GPHN: variants seen among roughly 807,000 people sequenced by gnomAD.
The protein encoded by GPHN is gephyrin.
Under a neutral mutation model 95.5 loss-of-function variants are expected in GPHN, and 17 were observed. The observed-to-expected ratio is 0.18, with a 90% CI of 0.12 to 0.27. The LOEUF is 0.27. Among genes scored for constraint, GPHN ranks in the 10% least tolerant of loss-of-function variants. The pLI is 1.00. For missense variants in GPHN, 660 were observed against 978.1 expected (o/e 0.67, Z 4.34); for synonymous variants, 320 against 322.5 (o/e 0.99, Z 0.08).
chr14:67,520,697 A>T, the GPHN span, among the ~76,000 whole-genome samples: 1 of 152,216 alleles, frequency 6.6e-6, no homozygotes, highest in Non-Finnish European at 1.5e-5. Context: ...GGCGTACCAC[A>T]GTTTATTTAC....
intron 9 of GPHN, among the ~76,000 whole-genome samples, chr14:67,022,568 GGTGT>G (rs72312422): frequency 0.023 from 475 of 20,874 alleles, 7 homozygotes; most frequent in East Asian, 0.064. Context: ...TTTTTTTTTT[GGTGT>G]GTGTGTGTGT....
chr14:67,205,290 A>G, the GPHN span, among the ~76,000 whole-genome samples: 7 of 152,316 alleles, frequency 4.6e-5, no homozygotes, highest in African/African-American at 1.7e-4. Flanking sequence ...ATAGGCAGTG[A>G]CAACCCTTAA....
chr14:67,257,737 T>G, the GPHN span, among the ~76,000 whole-genome samples: 1 of 152,148 alleles, frequency 6.6e-6, no homozygotes, highest in African/African-American at 2.4e-5. Context: ...AAGAAGAAAC[T>G]GAGAGTTAAA....
chr14:67,662,923 A>G, the GPHN span: 3 of 1,246,522 alleles, frequency 2.4e-6, no homozygotes, highest in Non-Finnish European at 3.0e-6. Context: ...AAAAAAAAAG[A>G]ATGTTTACCA....
At chr14:66,809,775 C>T (rs556493294) in intron 3 of GPHN, among the ~76,000 whole-genome samples, 1 of 152,202 alleles carries the variant, frequency 6.6e-6, no homozygotes, top group African/African-American at 2.4e-5. Context: ...CTGTGTTATT[C>T]TCAGAATAAG....
intron 1 of GPHN, among the ~76,000 whole-genome samples, chr14:66,625,538 A>G (rs1192619571): frequency 6.6e-6 from 1 of 151,560 alleles, no homozygotes; most frequent in Non-Finnish European, 1.5e-5. Context: ...CTTTTGTCCT[A>G]CTTCTTGGTA....
At chr14:67,624,986 G>A in the GPHN span, among the ~76,000 whole-genome samples, 1 of 152,150 alleles carries the variant, frequency 6.6e-6, no homozygotes, top group Non-Finnish European at 1.5e-5. Context: ...CTGCAAAAGG[G>A]AGAACAGAGG....
chr14:67,296,585 CAAAAAAA>C, the GPHN span, among the ~76,000 whole-genome samples: 4 of 51,022 alleles, frequency 7.8e-5, no homozygotes, highest in Non-Finnish European at 2.6e-4. Context: ...AACTCTGTCT[CAAAAAAA>C]AAAAAAAAAA....
intron 3 of GPHN, among the ~76,000 whole-genome samples, chr14:66,782,813 A>G (rs1401383045): frequency 6.6e-6 from 1 of 152,152 alleles, no homozygotes; most frequent in Admixed American, 6.5e-5. Flanking sequence ...ACCCTGGATG[A>G]CAGAGCGAGA....
chr14:66,590,419 A>C (rs1330024193), intron 1 of GPHN, among the ~76,000 whole-genome samples: 1 of 152,194 alleles, frequency 6.6e-6, no homozygotes, highest in East Asian at 1.9e-4. Context: ...CAGACTAATA[A>C]AGAAGAAAAG....
the GPHN span, among the ~76,000 whole-genome samples, chr14:67,516,994 A>G: frequency 2.0e-5 from 3 of 152,264 alleles, no homozygotes; most frequent in African/African-American, 7.2e-5. Flanking sequence ...TCATGCATAT[A>G]ATATTCTCAG....
At chr14:67,436,117 A>G in the GPHN span, among the ~76,000 whole-genome samples, 4 of 152,204 alleles carry the variant, frequency 2.6e-5, no homozygotes, top group Non-Finnish European at 4.4e-5. Flanking sequence ...TCTTTACTGG[A>G]AACTACTGAT....
the GPHN span, among the ~76,000 whole-genome samples, chr14:67,329,820 C>A: frequency 1.7e-4 from 26 of 150,756 alleles, no homozygotes; most frequent in Admixed American, 1.7e-3. Context: ...GGCAACACAG[C>A]AAGACTTGGT....
chr14:66,996,265 C>A, intron 9 of GPHN: 1 of 1,168,874 alleles, frequency 8.6e-7, no homozygotes, highest in Non-Finnish European at 1.2e-6. Context: ...CATGCTCGCC[C>A]TCACCATTTT....
At chr14:67,505,997 G>A in the GPHN span, among the ~76,000 whole-genome samples, 37 of 152,226 alleles carry the variant, frequency 2.4e-4, no homozygotes, top group African/African-American at 8.7e-4. Context: ...ACCTCACCTG[G>A]CTGATAATTT....
intron 8 of GPHN, among the ~76,000 whole-genome samples, chr14:66,958,115 C>T (rs1430489668): frequency 2.0e-5 from 3 of 152,134 alleles, no homozygotes; most frequent in African/African-American, 7.2e-5. Context: ...ATATTGCAGT[C>T]TCCAACTCTT....
intron 9 of GPHN, among the ~76,000 whole-genome samples, chr14:67,000,292 G>GA (rs2072126290): frequency 6.6e-6 from 1 of 151,104 alleles, no homozygotes; most frequent in Non-Finnish European, 1.5e-5. Flanking sequence ...AGGGAGAGAG[G>GA]AAAAAAGGAA....
At chr14:66,654,314 C>G (rs12587269) in intron 1 of GPHN, among the ~76,000 whole-genome samples, 1 of 151,934 alleles carries the variant, frequency 6.6e-6, no homozygotes, top group East Asian at 1.9e-4. Flanking sequence ...TCTATGGTCT[C>G]GAACCCCTGG....
chr14:67,727,180 G>T, the GPHN span: 1 of 1,612,674 alleles, frequency 6.2e-7, no homozygotes, highest in Non-Finnish European at 8.5e-7. Flanking sequence ...AGCTGGCCAA[G>T]AGGCTCCAAG....
Sources: gnomAD v4.1 joint callset for allele counts (sites outside exome capture counted in the v4.1 genomes callset) on GRCh38, gnomAD v4.1.1 for gene constraint, MANE v1.5 for transcripts, NCBI Gene and HGNC (gene_info 2026-07-23, HGNC 2026-07-21) for gene names.